Variants in GRM5 observed in about 807,000 individuals in gnomAD.
The protein encoded by GRM5 is glutamate metabotropic receptor 5, also known as metabotropic glutamate receptor 5.
A neutral mutation model predicts 83.1 loss-of-function variants in GRM5; 19 were observed. The observed-to-expected ratio is 0.23, with a 90% CI of 0.16 to 0.34. The LOEUF is 0.34. Among genes scored for constraint, GRM5 ranks in the 10% least tolerant of loss-of-function variants. The probability of loss-of-function intolerance (pLI) is 1.00; values close to 1 mark genes in which losing one functional copy is unlikely to be tolerated. For missense variants in GRM5, 1,160 were observed against 1,588.3 expected, an observed-to-expected ratio of 0.73 and a Z score of 4.58; for synonymous variants, 675 against 633.6, an observed-to-expected ratio of 1.07 and a Z score of -0.98.
intron 3 of GRM5, among the ~76,000 whole-genome samples, chr11:88,774,210 A>G (rs1010467035): frequency 6.6e-6 from 1 of 151,928 alleles, no homozygotes; most frequent in Non-Finnish European, 1.5e-5. Flanking sequence ...TTCCCTTTGT[A>G]GCAACTGTGA....
At chr11:88,824,272 T>C (rs1409054011) in intron 3 of GRM5, among the ~76,000 whole-genome samples, 1 of 152,180 alleles carries the variant, frequency 6.6e-6, no homozygotes, top group East Asian at 1.9e-4. Flanking sequence ...CAGAATTTTC[T>C]GGTGGCGGGG....
chr11:88,604,665 G>A, intron 5 of GRM5, 53 bp downstream of exon 5: 1 of 1,441,548 alleles, frequency 6.9e-7, no homozygotes, highest in Middle Eastern at 1.9e-4. Flanking sequence ...TCAGGATCAA[G>A]AGTTGGCTGT....
At chr11:88,643,763 T>C (rs115831313) in intron 4 of GRM5, among the ~76,000 whole-genome samples, 126,044 of 151,994 alleles carry the variant, frequency 0.83, 54,672 homozygotes, top group Non-Finnish European at 0.97. Flanking sequence ...TTCAGTAGAT[T>C]TTTTTTTATT....
intron 2 of GRM5, among the ~76,000 whole-genome samples, chr11:88,933,596 C>T (rs1457287866): frequency 6.6e-6 from 1 of 151,780 alleles, no homozygotes; most frequent in Non-Finnish European, 1.5e-5. Context: ...TCAATTTAGT[C>T]TTACTTGTAA....
intron 2 of GRM5, among the ~76,000 whole-genome samples, chr11:88,855,256 T>C (rs915996485): frequency 1.3e-5 from 2 of 151,928 alleles, no homozygotes; most frequent in African/African-American, 4.8e-5. Flanking sequence ...CTATCATCTC[T>C]TATTTTTCAT....
At chr11:88,962,185 T>C (rs190540498) in intron 2 of GRM5, among the ~76,000 whole-genome samples, 1 of 152,224 alleles carries the variant, frequency 6.6e-6, no homozygotes, top group Non-Finnish European at 1.5e-5. Flanking sequence ...CAGTTATATA[T>C]GTATGTAGGA....
intron 2 of GRM5, among the ~76,000 whole-genome samples, chr11:89,019,171 T>C (rs532060934): frequency 6.6e-5 from 10 of 152,296 alleles, no homozygotes; most frequent in South Asian, 6.2e-4. Flanking sequence ...TGTCCTTCCA[T>C]TGGGATTTGT....
At chr11:89,007,821 A>T (rs773164672) in intron 2 of GRM5, among the ~76,000 whole-genome samples, 1 of 152,172 alleles carries the variant, frequency 6.6e-6, no homozygotes, top group Non-Finnish European at 1.5e-5. Context: ...CTGAATGAAG[A>T]CTGTGAATCC....
intron 3 of GRM5, among the ~76,000 whole-genome samples, chr11:88,683,266 G>A (rs1176752807): frequency 6.6e-6 from 1 of 152,204 alleles, no homozygotes; most frequent in East Asian, 1.9e-4. Context: ...ATGGGGTATG[G>A]GTGTTTGTGA....
At chr11:88,518,932 C>G (rs1389148699) in intron 9 of GRM5, among the ~76,000 whole-genome samples, 2 of 150,414 alleles carry the variant, frequency 1.3e-5, no homozygotes, top group African/African-American at 4.9e-5. Context: ...ACTTCTCACA[C>G]TGTTGAGTAC....
At chr11:88,568,539 C>G (rs1022147855) in intron 7 of GRM5, among the ~76,000 whole-genome samples, 6 of 152,088 alleles carry the variant, frequency 3.9e-5, no homozygotes, top group African/African-American at 1.4e-4. Context: ...GGGGATCTTG[C>G]AGGTTAGAGA....
chr11:88,574,985 C>CTTTTTTTTTTTTTTTTTT (rs796257304), intron 7 of GRM5, among the ~76,000 whole-genome samples: 12 of 116,164 alleles, frequency 1.0e-4, no homozygotes, highest in African/African-American at 3.6e-4. Flanking sequence ...CTTTTCTTTT[C>CTTTTTTTTTTTTTTTTTT]TTTTTTTTTT....
chr11:88,978,474 T>TAAAAAAAAAAAAAAAAAAAAAAAAAA (rs200343438), intron 2 of GRM5, among the ~76,000 whole-genome samples: 4 of 97,988 alleles, frequency 4.1e-5, no homozygotes, highest in South Asian at 3.1e-4. Flanking sequence ...CAGATGAGCT[T>TAAAAAAAAAAAAAAAAAAAAAAAAAA]AAAAAAAAAA....
intron 2 of GRM5, among the ~76,000 whole-genome samples, chr11:88,991,358 A>G (rs1939962361): frequency 6.6e-6 from 1 of 151,996 alleles, no homozygotes; most frequent in Non-Finnish European, 1.5e-5. Context: ...CAAGGAAATA[A>G]AAGAGGATAC....
chr11:88,988,480 C>A (rs1235580019), intron 2 of GRM5, among the ~76,000 whole-genome samples: 3 of 152,080 alleles, frequency 2.0e-5, no homozygotes, highest in Admixed American at 6.5e-5. Flanking sequence ...ACAAGGCAGG[C>A]CAACATTCAG....
At chr11:89,065,568 G>A (rs891151845) in intron 1 of GRM5, among the ~76,000 whole-genome samples, 30 of 152,148 alleles carry the variant, frequency 2.0e-4, no homozygotes, top group African/African-American at 7.2e-4. Context: ...TCCTTGCAGG[G>A]TGACTTTTCT....
chr11:88,613,111 C>T (rs984635524), intron 4 of GRM5, among the ~76,000 whole-genome samples: 9 of 152,068 alleles, frequency 5.9e-5, no homozygotes. Context: ...TTGCTTTATT[C>T]CTGAGCACGT....
chr11:88,980,904 A>G (rs1055195486), intron 2 of GRM5, among the ~76,000 whole-genome samples: 4 of 152,166 alleles, frequency 2.6e-5, no homozygotes, highest in African/African-American at 9.7e-5. Context: ...AATTGTTTGG[A>G]CAAATGGTGA....
intron 3 of GRM5, among the ~76,000 whole-genome samples, chr11:88,825,532 A>G (rs191171801): frequency 1.3e-5 from 2 of 152,338 alleles, no homozygotes; most frequent in East Asian, 3.9e-4. Context: ...ACTTTTATCA[A>G]GATGAGGGAA....
Sources: allele counts gnomAD v4.1 joint callset (sites outside exome capture counted in the v4.1 genomes callset), GRCh38; gene constraint gnomAD v4.1.1; transcripts MANE v1.5; gene names NCBI Gene and HGNC (gene_info 2026-07-23, HGNC 2026-07-21).